The following LRRC4C variants were observed in gnomAD, a reference collection of about 807,000 sequenced individuals.
The protein encoded by LRRC4C is leucine-rich repeat-containing protein 4C.
LRRC4C carries 5 observed loss-of-function variants against 33.6 expected under a neutral mutation model. The ratio of observed to expected loss-of-function variants is 0.15; its 90% CI spans 0.08 to 0.31. The LOEUF is 0.31. LRRC4C is among the 10% of genes least tolerant of loss of function. The pLI is 1.00. For missense variants in LRRC4C, 560 were observed against 796.7 expected (o/e 0.70, Z 3.58); for synonymous variants, 329 against 302.0 (o/e 1.09, Z -0.93).
chr11:40,846,687 C>A (rs1953191772), intron 2 of LRRC4C, among the ~76,000 whole-genome samples: 1 of 151,966 alleles, frequency 6.6e-6, no homozygotes, highest in African/African-American at 2.4e-5. Flanking sequence ...TTATCTAATT[C>A]TGTGAAGAAA....
chr11:40,240,136 TA>T (rs905395794), intron 5 of LRRC4C, among the ~76,000 whole-genome samples: 4 of 152,100 alleles, frequency 2.6e-5, no homozygotes, highest in Admixed American at 6.5e-5. Context: ...ATAACTTTAT[TA>T]AAAAAAACTA....
intron 3 of LRRC4C, among the ~76,000 whole-genome samples, chr11:40,622,309 A>G (rs1411495761): frequency 6.6e-6 from 1 of 151,876 alleles, no homozygotes; most frequent in Non-Finnish European, 1.5e-5. Context: ...CAGAATTAAT[A>G]ATCTATAATG....
At chr11:40,311,943 CAA>C (rs368014390) in intron 4 of LRRC4C, among the ~76,000 whole-genome samples, 7 of 61,996 alleles carry the variant, frequency 1.1e-4, no homozygotes, top group Admixed American at 3.5e-4. Flanking sequence ...GACTCTGTCT[CAA>C]AAAAAAAAAA....
intron 3 of LRRC4C, among the ~76,000 whole-genome samples, chr11:40,602,317 TTTC>T (rs1484598526): frequency 6.6e-6 from 1 of 152,040 alleles, no homozygotes; most frequent in East Asian, 1.9e-4. Context: ...ATATTGTGGG[TTTC>T]TTCTTGATAA....
At chr11:40,810,432 T>C (rs532701181) in intron 2 of LRRC4C, among the ~76,000 whole-genome samples, 50 of 152,314 alleles carry the variant, frequency 3.3e-4, no homozygotes, top group African/African-American at 1.0e-3. Context: ...TCCAAGATGA[T>C]CTTATTTTGT....
At chr11:41,296,470 G>A (rs1442972567) in intron 1 of LRRC4C, among the ~76,000 whole-genome samples, 4 of 151,716 alleles carry the variant, frequency 2.6e-5, no homozygotes, top group Non-Finnish European at 5.9e-5. Context: ...ACTCACCACC[G>A]TACCCAGCTA....
chr11:41,031,610 A>T (rs1856732186), intron 1 of LRRC4C, among the ~76,000 whole-genome samples: 1 of 152,030 alleles, frequency 6.6e-6, no homozygotes, highest in Non-Finnish European at 1.5e-5. Context: ...AGCTTGGCAC[A>T]AAATAAACTA....
chr11:41,128,442 A>C (rs1942854425), intron 1 of LRRC4C, among the ~76,000 whole-genome samples: 1 of 152,068 alleles, frequency 6.6e-6, no homozygotes, highest in Non-Finnish European at 1.5e-5. Flanking sequence ...GCTCAAAGAG[A>C]TATGACAGTG....
At chr11:41,025,270 G>A (rs1856263125) in intron 1 of LRRC4C, among the ~76,000 whole-genome samples, 1 of 151,626 alleles carries the variant, frequency 6.6e-6, no homozygotes, top group Non-Finnish European at 1.5e-5. Flanking sequence ...AGATAGATAT[G>A]TTAAAAGCTA....
chr11:40,142,249 A>T (rs1288609496), intron 5 of LRRC4C, among the ~76,000 whole-genome samples: 1 of 122,368 alleles, frequency 8.2e-6, no homozygotes, highest in Non-Finnish European at 1.6e-5. Context: ...ACTGCACTCC[A>T]GTCGGGTGAC....
chr11:41,454,738 C>T (rs1457408419), intron 1 of LRRC4C, among the ~76,000 whole-genome samples: 1 of 152,108 alleles, frequency 6.6e-6, no homozygotes, highest in Non-Finnish European at 1.5e-5. Flanking sequence ...AGCTAATTTA[C>T]AGAAATACAG....
chr11:41,250,108 G>T (rs1200838236), intron 1 of LRRC4C, among the ~76,000 whole-genome samples: 1 of 152,138 alleles, frequency 6.6e-6, no homozygotes, highest in African/African-American at 2.4e-5. Flanking sequence ...AGCAAAGGTT[G>T]CAGTGAGCTG....
At chr11:40,638,822 A>G (rs1941933020) in intron 3 of LRRC4C, among the ~76,000 whole-genome samples, 1 of 151,284 alleles carries the variant, frequency 6.6e-6, no homozygotes, top group African/African-American at 2.4e-5. Context: ...TGACTTCAAA[A>G]GTAGTTTAGC....
At chr11:40,223,827 G>T (rs549489001) in intron 5 of LRRC4C, among the ~76,000 whole-genome samples, 1 of 152,072 alleles carries the variant, frequency 6.6e-6, no homozygotes, top group Non-Finnish European at 1.5e-5. Flanking sequence ...GTATACTTTT[G>T]CAGAACTAAT....
At chr11:41,107,772 T>C (rs575724963) in intron 1 of LRRC4C, among the ~76,000 whole-genome samples, 1 of 152,156 alleles carries the variant, frequency 6.6e-6, no homozygotes, top group Admixed American at 6.5e-5. Context: ...GCCCCACATC[T>C]ATTGAAAATA....
intron 3 of LRRC4C, among the ~76,000 whole-genome samples, chr11:40,365,091 G>A (rs1948147669): frequency 2.1e-5 from 3 of 145,064 alleles, no homozygotes; most frequent in African/African-American, 5.1e-5. Flanking sequence ...TTTACCAGTA[G>A]AAAACTGGAT....
At chr11:41,217,680 G>C (rs1006311981) in intron 1 of LRRC4C, among the ~76,000 whole-genome samples, 1 of 152,124 alleles carries the variant, frequency 6.6e-6, no homozygotes, top group African/African-American at 2.4e-5. Context: ...AAAAAGACTT[G>C]ATTAAATTAA....
At chr11:40,801,562 G>A (rs955662552) in intron 2 of LRRC4C, among the ~76,000 whole-genome samples, 2 of 152,142 alleles carry the variant, frequency 1.3e-5, no homozygotes, top group Non-Finnish European at 2.9e-5. Context: ...TGAGTTCAAT[G>A]CATAGGATGT....
At chr11:40,420,629 G>A (rs1950489653) in intron 3 of LRRC4C, among the ~76,000 whole-genome samples, 2 of 152,170 alleles carry the variant, frequency 1.3e-5, no homozygotes, top group South Asian at 4.1e-4. Flanking sequence ...TCTGGTGAAT[G>A]AGTTCCTAAA....
Sources: allele counts gnomAD v4.1 joint callset (sites outside exome capture counted in the v4.1 genomes callset), GRCh38; gene constraint gnomAD v4.1.1; transcripts MANE v1.5; gene names NCBI Gene and HGNC (gene_info 2026-07-23, HGNC 2026-07-21).